POLR2F: variants seen among roughly 807,000 people sequenced by gnomAD.
POLR2F encodes the protein DNA-directed RNA polymerases I, II, and III subunit RPABC2.
POLR2F carries 12 observed loss-of-function variants against 22.7 expected under a neutral mutation model. The observed-to-expected ratio is 0.53, with a 90% CI of 0.34 to 0.86. The LOEUF is 0.86. POLR2F is among the 40% of genes least tolerant of loss of function. The pLI, the probability that POLR2F is intolerant of heterozygous loss-of-function variation, is 0.02. For missense variants in POLR2F, 126 were observed against 171.5 expected, an observed-to-expected ratio of 0.73 and a Z score of 1.48; for synonymous variants, 57 against 66.0, an observed-to-expected ratio of 0.86 and a Z score of 0.66.
chr22:37,962,276 A>G (rs1931674705), intron 3 of POLR2F, among the ~76,000 whole-genome samples: 1 of 152,008 alleles, frequency 6.6e-6, no homozygotes, highest in Non-Finnish European at 1.5e-5. Flanking sequence ...AGCTGGGGCC[A>G]GATTTGTGGA....
intron 1 of POLR2F, among the ~76,000 whole-genome samples, chr22:37,992,803 C>T (rs1932751782): frequency 6.6e-6 from 1 of 152,242 alleles, no homozygotes. Context: ...AGAGCCAGGG[C>T]CGATGGCCAT....
At chr22:38,026,483 C>G in exon 3 of POLR2F, 1 of 366,430 alleles carries the variant, frequency 2.7e-6, no homozygotes, top group Non-Finnish European at 5.6e-6. Flanking sequence ...CCCAGCTGTG[C>G]CCATCTGCAA....
chr22:38,035,575 C>G (rs1196751245), intron 5 of POLR2F, among the ~76,000 whole-genome samples: 14 of 152,330 alleles, frequency 9.2e-5, no homozygotes, highest in Non-Finnish European at 2.1e-4. Context: ...CTCCTGCCCA[C>G]CGGCCTCTCT....
chr22:38,035,049 T>A (rs184209837), intron 5 of POLR2F, among the ~76,000 whole-genome samples: 1 of 151,368 alleles, frequency 6.6e-6, no homozygotes, highest in East Asian at 2.0e-4. Context: ...CCTCTGCAAA[T>A]CCTGCCCATC....
At chr22:38,004,601 C>G (rs190010953) in intron 1 of POLR2F, among the ~76,000 whole-genome samples, 2 of 152,092 alleles carry the variant, frequency 1.3e-5, no homozygotes, top group East Asian at 3.9e-4. Flanking sequence ...CACTGGCTAA[C>G]TTGATTACCT....
chr22:37,971,467 G>T (rs1199610910), downstream of POLR2F, among the ~76,000 whole-genome samples: 2 of 152,202 alleles, frequency 1.3e-5, no homozygotes, highest in African/African-American at 4.8e-5. Context: ...AGATGGCAAA[G>T]AGTCTTTGGA....
At position 37,986,700 on chromosome 22, in the gene POLR2F, T is replaced by C. The variant is rs755108048; in HGVS notation, c.120+388T>C. 7.9e-6 allele frequency: 4 copies of C among 503,310 alleles called. No homozygotes were observed. Among genetic ancestry groups the C allele is most frequent in the South Asian group, 6.2e-5 (4 of 64,546 alleles). The allele number at this position is 503,310 out of a possible 1,614,324, so 31.2% of individuals were successfully genotyped here. Reference sequence around the variant, plus strand: ...CAGTGTTGGGTGAGGCAGGTGGGCCTGCAGGGCGGGTGGGAAGGGCTGTCA... The same window carrying C: ...CAGTGTTGGGTGAGGCAGGTGGGCCCGCAGGGCGGGTGGGAAGGGCTGTCA... On this transcript the variant is annotated intron_variant, in intron 1 of 2. Coordinates refer to the POLR2F transcript ENST00000333418. This position sits in a 1 kb window ranked among gnomAD's most constrained non-coding sequence, Gnocchi z 4.7.
At chr22:37,974,080 G>A (rs1932147525), downstream of POLR2F, 2 of 1,613,864 alleles carry the variant, frequency 1.2e-6, no homozygotes, top group Admixed American at 3.3e-5. The surrounding 1 kb of genome is among the most constrained non-coding windows in gnomAD (Gnocchi z 5.4). Flanking sequence ...CGTTGCCGAA[G>A]TCGATGTGAG....
Position 37,953,742 on chromosome 22 carries a change from T to A in POLR2F, c.-46T>A. 1.3e-6 allele frequency: 2 copies of A among 1,596,138 alleles called. No individual in the cohort carries two copies. Among genetic ancestry groups the A allele is most frequent in the Non-Finnish European group, 1.7e-6 (2 of 1,174,980 alleles). ...GTCGTAGTGTCGCTGTTTGCGGGTCTCCGCGCGGGACCGGGGCGCAGCGGG... is the reference window on the plus strand; with the variant it reads ...GTCGTAGTGTCGCTGTTTGCGGGTCACCGCGCGGGACCGGGGCGCAGCGGG... On this transcript the variant is annotated 5_prime_UTR_variant, in exon 1 of 5. Transcript: ENST00000442738.
intron 3 of POLR2F, among the ~76,000 whole-genome samples, chr22:37,965,813 C>G (rs746673432): frequency 1.3e-5 from 2 of 152,186 alleles, no homozygotes; most frequent in Non-Finnish European, 1.5e-5. Context: ...AGATTCTATT[C>G]CGGGGGTCTG....
intron 1 of POLR2F, among the ~76,000 whole-genome samples, chr22:38,000,285 C>T (rs2084757324): frequency 6.6e-6 from 1 of 152,200 alleles, no homozygotes; most frequent in African/African-American, 2.4e-5. Flanking sequence ...ATTGTACTGA[C>T]AGGGAGCTGA....
intron 3 of POLR2F, among the ~76,000 whole-genome samples, chr22:37,962,312 A>T (rs1016439297): frequency 6.6e-6 from 1 of 152,166 alleles, no homozygotes; most frequent in Non-Finnish European, 1.5e-5. Flanking sequence ...GGGGCAGCAA[A>T]TGCTGTCTGT....
chr22:37,979,353 C>T (rs1177777985), intron 4 of POLR2F, among the ~76,000 whole-genome samples: 4 of 152,168 alleles, frequency 2.6e-5, no homozygotes, highest in Non-Finnish European at 5.9e-5. Context: ...CCGCCTTGGC[C>T]TCCCAAAGTG....
intron 1 of POLR2F, among the ~76,000 whole-genome samples, chr22:38,012,863 G>A (rs182948082): frequency 7.9e-5 from 12 of 152,278 alleles, no homozygotes; most frequent in Non-Finnish European, 1.5e-4. Flanking sequence ...ATTGCAGGGC[G>A]TACATGATAT....
chr22:37,965,261 C>T (rs1183626174), intron 3 of POLR2F, among the ~76,000 whole-genome samples: 7 of 152,206 alleles, frequency 4.6e-5, no homozygotes, highest in African/African-American at 1.7e-4. Flanking sequence ...CCTGTCTCAG[C>T]CTCCCAAAGT....
chr22:37,991,469 A>G (rs185056674), intron 1 of POLR2F, among the ~76,000 whole-genome samples: 85 of 152,338 alleles, frequency 5.6e-4, no homozygotes, highest in African/African-American at 2.0e-3. Flanking sequence ...AAAGAGATGC[A>G]TTGCCTCTAA....
chr22:38,028,909 C>T (rs1008819419), downstream of POLR2F, among the ~76,000 whole-genome samples: 17 of 152,212 alleles, frequency 1.1e-4, no homozygotes, highest in African/African-American at 2.7e-4. Flanking sequence ...CTGCAAGCCC[C>T]GGCCACTCCA....
rs1173189693 is a variant in POLR2F at position 37,986,859 on chromosome 22, A to G, written c.120+547A>G. 6.6e-6 allele frequency: 3 copies of G among 453,494 alleles called. No individual in the cohort carries two copies. 28.1% of individuals were successfully genotyped at this position (453,494 alleles called of 1,614,324 possible). On this transcript the variant is annotated intron_variant, in intron 1 of 2. Transcript: ENST00000333418. This position sits in a 1 kb window ranked among gnomAD's most constrained non-coding sequence, Gnocchi z 4.7. ...CAGTGCTCTCCAGCAGGCAAGGGTGAAGGACCCATAGTCATTCCTGAAGAG... is the reference window on the plus strand; with the variant it reads ...CAGTGCTCTCCAGCAGGCAAGGGTGGAGGACCCATAGTCATTCCTGAAGAG...
chr22:37,978,811 C>CTTT lies in POLR2F; in HGVS notation c.293+11642_293+11643insTTT, dbSNP rs1932305032. On this transcript the variant is annotated intron_variant, in intron 4 of 4. Transcript: ENST00000405557. This position sits in a 1 kb window ranked among gnomAD's most constrained non-coding sequence, Gnocchi z 5.0. ...TTTTTTTCTGTGAGGGAATCTCACT[C>CTTT]TGTCACCCATGCTAGAGCTCAGTGG... Among the ~76,000 whole-genome samples, 1 of 152,078 alleles carries CTTT rather than the reference C, an allele frequency of 6.6e-6. No individual in the cohort carries two copies. Among genetic ancestry groups the CTTT allele is most frequent in the South Asian group, 2.1e-4 (1 of 4,830 alleles).
Sources: gnomAD v4.1 joint callset for allele counts (sites outside exome capture counted in the v4.1 genomes callset) on GRCh38, gnomAD v4.1.1 for gene constraint, Gnocchi (gnomAD v3.1) non-coding constraint, MANE v1.5 for transcripts, NCBI Gene and HGNC (gene_info 2026-07-23, HGNC 2026-07-21) for gene names.